The following SPPL3 variants were observed in gnomAD, a reference collection of about 807,000 sequenced individuals.
SPPL3 encodes signal peptide peptidase like 3.
Under a neutral mutation model 42.4 loss-of-function variants are expected in SPPL3, and 5 were observed. The ratio of observed to expected loss-of-function variants is 0.12; its 90% CI spans 0.06 to 0.25. The LOEUF (loss-of-function observed/expected upper bound fraction) is 0.25, where lower values mean the gene tolerates loss of function less well. Among genes scored for constraint, SPPL3 ranks in the 10% least tolerant of loss-of-function variants. The probability of loss-of-function intolerance (pLI) is 1.00; values close to 1 mark genes in which losing one functional copy is unlikely to be tolerated. For missense variants in SPPL3, 235 were observed against 489.0 expected (o/e 0.48, Z 4.90); for synonymous variants, 195 against 181.8 (o/e 1.07, Z -0.58).
intron 1 of SPPL3, among the ~76,000 whole-genome samples, chr12:120,821,523 T>C (rs1871071114): frequency 1.3e-5 from 2 of 152,232 alleles, no homozygotes; most frequent in Non-Finnish European, 2.9e-5. Flanking sequence ...GCCAAGGGAC[T>C]TATTTACAGA....
chr12:120,847,452 C>T (rs1391803834), intron 1 of SPPL3, among the ~76,000 whole-genome samples: 1 of 152,108 alleles, frequency 6.6e-6, no homozygotes, highest in African/African-American at 2.4e-5. Flanking sequence ...GCCACCACAC[C>T]TGGCTAATTT....
chr12:120,901,959 C>G (rs1211582711), intron 1 of SPPL3: 1 of 984,764 alleles, frequency 1.0e-6, no homozygotes, highest in African/African-American at 1.7e-5. Flanking sequence ...CTGTACAGCA[C>G]AGTAAAAACA....
chr12:120,839,795 A>G (rs1871746094), intron 1 of SPPL3, among the ~76,000 whole-genome samples: 1 of 152,170 alleles, frequency 6.6e-6, no homozygotes, highest in Non-Finnish European at 1.5e-5. Flanking sequence ...CATATGACCC[A>G]GCAATCCCAC....
At chr12:120,882,546 T>G (rs1306031250) in intron 1 of SPPL3, among the ~76,000 whole-genome samples, 3 of 152,074 alleles carry the variant, frequency 2.0e-5, no homozygotes, top group Non-Finnish European at 2.9e-5. Flanking sequence ...ACAGGGCAAC[T>G]GGAAGATCAG....
At chr12:120,867,759 T>C (rs1593003465) in intron 1 of SPPL3, among the ~76,000 whole-genome samples, 1 of 151,980 alleles carries the variant, frequency 6.6e-6, no homozygotes, top group Admixed American at 6.6e-5. Flanking sequence ...AAAAAATTTT[T>C]TTTTGAGACA....
intron 1 of SPPL3, among the ~76,000 whole-genome samples, chr12:120,891,280 G>A (rs1873632793): frequency 6.6e-6 from 1 of 152,066 alleles, no homozygotes. Context: ...AGATACAAAG[G>A]TTCAAAAACA....
At chr12:120,807,661 C>T (rs1870543455) in intron 2 of SPPL3, among the ~76,000 whole-genome samples, 1 of 132,138 alleles carries the variant, frequency 7.6e-6, no homozygotes, top group Admixed American at 8.3e-5. Context: ...GCAACAAGAG[C>T]GAAACTCCGA....
chr12:120,807,251 T>C (rs1008728937), intron 2 of SPPL3, among the ~76,000 whole-genome samples: 26 of 152,116 alleles, frequency 1.7e-4, no homozygotes, highest in Admixed American at 3.3e-4. Flanking sequence ...AGAATGGCTA[T>C]AATAAAAAGA....
At chr12:120,766,180 T>C (rs2136964902) in intron 10 of SPPL3, 83 bp downstream of exon 10, 1 of 1,101,266 alleles carries the variant, frequency 9.1e-7, no homozygotes, top group East Asian at 2.9e-5. Context: ...TTAAGCAGAA[T>C]CACCTCCAGC....
intron 1 of SPPL3, among the ~76,000 whole-genome samples, chr12:120,878,290 G>T (rs1469467484): frequency 6.6e-6 from 1 of 152,086 alleles, no homozygotes; most frequent in Non-Finnish European, 1.5e-5. Flanking sequence ...TCCCAGTTAA[G>T]TAACAGCTGT....
intron 6 of SPPL3, among the ~76,000 whole-genome samples, chr12:120,781,946 T>C (rs1164638136): frequency 2.6e-5 from 4 of 151,534 alleles, no homozygotes; most frequent in East Asian, 1.9e-4. Context: ...AGCATGATCA[T>C]AGCTCTCTGT....
chr12:120,822,554 T>C (rs1199719493), intron 1 of SPPL3, among the ~76,000 whole-genome samples: 1 of 152,108 alleles, frequency 6.6e-6, no homozygotes, highest in East Asian at 1.9e-4. Flanking sequence ...TAGTGACAAA[T>C]TCTGTGGACA....
In SPPL3 at chr12:120,808,499, T is replaced by C. The variant is rs185295819; in HGVS notation, c.101+2310A>G. ...GCTCAATCCTAAAATGATATAGCCC[T>C]TCAGAAAAACAATACAGTAATATGT... On this transcript the variant is annotated intron_variant, in intron 2 of 10. Coordinates refer to ENST00000353487, the MANE Select transcript of SPPL3 (RefSeq NM_139015.5). 2.8e-3 allele frequency among the ~76,000 whole-genome samples: 420 copies of C among 152,322 alleles called. 1 individual carries two copies. Among genetic ancestry groups the C allele is most frequent in the African/African-American group, 5.2e-3 (216 of 41,572 alleles).
At chr12:120,889,458 T>C (rs10849811) in intron 1 of SPPL3, among the ~76,000 whole-genome samples, 29,541 of 152,236 alleles carry the variant, frequency 0.19, 4,527 homozygotes, top group African/African-American at 0.41. Flanking sequence ...GAAATGGCAG[T>C]GTGCCAGTTC....
chr12:120,879,781 C>A (rs1455585522), intron 1 of SPPL3, among the ~76,000 whole-genome samples: 2 of 151,972 alleles, frequency 1.3e-5, no homozygotes, highest in African/African-American at 4.8e-5. Flanking sequence ...AAAAACACCA[C>A]CTACATTTCA....
At chr12:120,866,209 CT>C (rs1872749631) in intron 1 of SPPL3, among the ~76,000 whole-genome samples, 1 of 152,194 alleles carries the variant, frequency 6.6e-6, no homozygotes, top group Admixed American at 6.5e-5. Flanking sequence ...CATCCTCCCC[CT>C]CCTCCCCATC....
chr12:120,844,982 T>C (rs1020115756), intron 1 of SPPL3: 3 of 168,756 alleles, frequency 1.8e-5, no homozygotes, highest in African/African-American at 7.2e-5. Context: ...TGTGCCACAT[T>C]TACAGCACAG....
At chr12:120,786,630 G>C (rs1281390063) in intron 3 of SPPL3, among the ~76,000 whole-genome samples, 1 of 152,052 alleles carries the variant, frequency 6.6e-6, no homozygotes, top group Admixed American at 6.6e-5. Context: ...CCTTTCTGGC[G>C]TATTAGATAG....
At chr12:120,841,287 T>C (rs900377699) in intron 1 of SPPL3, among the ~76,000 whole-genome samples, 1 of 151,832 alleles carries the variant, frequency 6.6e-6, no homozygotes, top group South Asian at 2.1e-4. Context: ...GTCGTGGCAC[T>C]GAACTCCAGC....
Sources: allele counts gnomAD v4.1 joint callset (sites outside exome capture counted in the v4.1 genomes callset), GRCh38; gene constraint gnomAD v4.1.1; transcripts MANE v1.5; gene names NCBI Gene and HGNC (gene_info 2026-07-23, HGNC 2026-07-21).